Variants in GDAP1 observed in about 807,000 individuals in gnomAD.
GDAP1 encodes the protein ganglioside-induced differentiation-associated protein 1.
A neutral mutation model predicts 40.1 loss-of-function variants in GDAP1; 34 were observed. The ratio of observed to expected loss-of-function variants is 0.85; its 90% confidence interval spans 0.64 to 1.13. The LOEUF is 1.13. Among genes scored for constraint, GDAP1 ranks in the 50% most tolerant of loss-of-function variants. The probability of loss-of-function intolerance (pLI) is 0.00; values close to 1 mark genes in which losing one functional copy is unlikely to be tolerated. For missense variants in GDAP1, 374 were observed against 433.7 expected (o/e 0.86, Z 1.22); for synonymous variants, 170 against 157.4 (o/e 1.08, Z -0.60).
intron 2 of GDAP1, among the ~76,000 whole-genome samples, chr8:74,393,889 C>G (rs1255290187): frequency 1.3e-5 from 2 of 152,254 alleles, no homozygotes; most frequent in East Asian, 1.9e-4. Flanking sequence ...GTGGTAGACA[C>G]TGTTTGGATA....
rs1036279294 is a variant in GDAP1, at chr8:74,476,223, T to G, written c.166-12455T>G. On this transcript the variant is annotated intron_variant, in intron 2 of 2. Coordinates refer to the GDAP1 transcript ENST00000523640. The stretch of plus-strand genomic sequence containing the variant: ...CTTGAAGACAACATACGATTGGGTA[T>G]TTCTTCTTTATCCAGCTTGCCACTC... Among the ~76,000 whole-genome samples, 13 of 152,328 alleles carry G rather than the reference T, an allele frequency of 8.5e-5. No homozygotes were observed. The East Asian group carries it at 2.3e-3, about 27-fold the overall frequency.
intron 1 of GDAP1, among the ~76,000 whole-genome samples, 166 bp downstream of exon 1, chr8:74,350,744 C>T (rs1808820965): frequency 6.6e-6 from 1 of 152,160 alleles, no homozygotes; most frequent in Admixed American, 6.5e-5. Context: ...GGGTGGGGAG[C>T]GGGGAGAATC....
At chr8:74,448,111 T>TA (rs1373990423) in intron 2 of GDAP1, among the ~76,000 whole-genome samples, 1 of 152,140 alleles carries the variant, frequency 6.6e-6, no homozygotes, top group Non-Finnish European at 1.5e-5. Flanking sequence ...GAAATTAACT[T>TA]TAGTGCAATG....
chr8:74,359,403 T>C (rs1809247958), intron 2 of GDAP1, among the ~76,000 whole-genome samples: 1 of 152,254 alleles, frequency 6.6e-6, no homozygotes, highest in African/African-American at 2.4e-5. Flanking sequence ...CCTCAAGGAC[T>C]CTACAGTTTG....
chr8:74,395,590 A>G (rs181480163), intron 2 of GDAP1, among the ~76,000 whole-genome samples: 1 of 152,330 alleles, frequency 6.6e-6, no homozygotes, highest in East Asian at 1.9e-4. Flanking sequence ...TCCTGCTTTC[A>G]TATGAGTGAC....
intron 2 of GDAP1, among the ~76,000 whole-genome samples, chr8:74,454,779 C>T (rs1434626081): frequency 6.6e-6 from 1 of 151,892 alleles, no homozygotes; most frequent in Non-Finnish European, 1.5e-5. Context: ...TATAATGATA[C>T]AAATAAAAAT....
intron 2 of GDAP1, among the ~76,000 whole-genome samples, chr8:74,398,716 G>A (rs1364566850): frequency 1.6e-4 from 24 of 151,974 alleles, no homozygotes; most frequent in Admixed American, 1.4e-3. Context: ...ATTTTGAGAT[G>A]CGTCCCATCA....
chr8:74,473,021 A>AT (rs1315509524), intron 2 of GDAP1, among the ~76,000 whole-genome samples: 1 of 151,808 alleles, frequency 6.6e-6, no homozygotes, highest in African/African-American at 2.4e-5. Context: ...AAATGTTGGG[A>AT]TTACAGGCAT....
downstream of GDAP1, among the ~76,000 whole-genome samples, chr8:74,368,884 A>T (rs1479806381): frequency 6.6e-6 from 1 of 152,162 alleles, no homozygotes; most frequent in East Asian, 1.9e-4. Context: ...TCCCCACCCC[A>T]ATTGTGACAA....
At position 74,365,243 on chromosome 8, in the gene GDAP1, G is replaced by A. The variant is rs998227052; in HGVS notation, c.*876G>A. ...ATTCTTCGTTTGGGGAGGCTGGTCT[G>A]TAAACACAAAAATTGTTGTCCAGAT... On this transcript the variant is annotated 3_prime_UTR_variant, in exon 6 of 6. Coordinates refer to ENST00000220822, the MANE Select transcript of GDAP1 (RefSeq NM_018972.4). 4.4e-6 allele frequency: 2 copies of A among 453,976 alleles called. No homozygotes were observed. Among genetic ancestry groups the A allele is most frequent in the African/African-American group, 4.0e-5 (2 of 49,996 alleles). 28.1% of individuals were successfully genotyped at this position (453,976 alleles called of 1,614,324 possible).
intron 2 of GDAP1, among the ~76,000 whole-genome samples, chr8:74,434,328 T>TA (rs1406545829): frequency 2.0e-5 from 3 of 152,228 alleles, no homozygotes; most frequent in Non-Finnish European, 4.4e-5. Context: ...GTCAGCCAGT[T>TA]AAACTCTAGA....
intron 2 of GDAP1, among the ~76,000 whole-genome samples, chr8:74,483,862 C>G (rs910198789): frequency 1.3e-5 from 2 of 152,162 alleles, no homozygotes; most frequent in African/African-American, 4.8e-5. Flanking sequence ...CTGCTAAAGG[C>G]TGTGTGTCCC....
At position 74,434,194 on chromosome 8, in the gene GDAP1, G is replaced by T. The variant is rs191940950; in HGVS notation, c.166-54484G>T. On this transcript the variant is annotated intron_variant, in intron 2 of 2. Transcript: ENST00000523640. ...CTGGGGTTCCCACTCTGAAGTGACA[G>T]CAGTCTTCTGGGGACTGTTCCCTCA... is the stretch of plus-strand genomic sequence containing the variant. Among the ~76,000 whole-genome samples, 167 of 152,294 alleles carry T rather than the reference G, an allele frequency of 1.1e-3. 1 individual carries two copies. The highest frequency in any genetic ancestry group is 3.6e-3 in the African/African-American group (150 of 41,564).
intron 2 of GDAP1, among the ~76,000 whole-genome samples, chr8:74,394,712 CAGAG>C (rs1272578200): frequency 6.6e-6 from 1 of 151,988 alleles, no homozygotes; most frequent in Non-Finnish European, 1.5e-5. Context: ...GGTGGTGACT[CAGAG>C]AGGGTGCTGC....
chr8:74,458,054 T>C (rs1806357413), intron 2 of GDAP1, among the ~76,000 whole-genome samples: 1 of 152,088 alleles, frequency 6.6e-6, no homozygotes, highest in African/African-American at 2.4e-5. Context: ...TTGCTATCAT[T>C]ACCCCTAAAA....
chr8:74,434,949 T>G (rs968455125), intron 2 of GDAP1, among the ~76,000 whole-genome samples: 3 of 152,230 alleles, frequency 2.0e-5, no homozygotes, highest in African/African-American at 7.2e-5. Context: ...TGGCAGAGAA[T>G]GACTTTTTTG....
downstream of GDAP1, chr8:74,366,972 G>A (rs1461434742): frequency 6.1e-6 from 2 of 327,222 alleles, no homozygotes; most frequent in South Asian, 5.2e-5. Flanking sequence ...ATAAGCAGAG[G>A]TTAGGTATTC....
chr8:74,439,927 A>T (rs953800326), intron 2 of GDAP1, among the ~76,000 whole-genome samples: 2 of 152,036 alleles, frequency 1.3e-5, no homozygotes, highest in Non-Finnish European at 2.9e-5. Flanking sequence ...CTATTTTTAT[A>T]TATCTTGTAA....
chr8:74,369,631 G>A (rs1166314096), downstream of GDAP1, among the ~76,000 whole-genome samples: 1 of 83,990 alleles, frequency 1.2e-5, no homozygotes, highest in East Asian at 3.5e-4. Flanking sequence ...GTGTGTGTGT[G>A]TGTGCATATA....
Sources: gnomAD v4.1 joint callset for allele counts (sites outside exome capture counted in the v4.1 genomes callset) on GRCh38, gnomAD v4.1.1 for gene constraint, MANE v1.5 for transcripts, NCBI Gene and HGNC (gene_info 2026-07-23, HGNC 2026-07-21) for gene names.